The following IL6ST variants were observed in gnomAD, a reference collection of about 807,000 sequenced individuals.
IL6ST encodes the protein interleukin 6 cytokine family signal transducer.
IL6ST carries 24 observed loss-of-function variants against 91.3 expected under a neutral mutation model. The ratio of observed to expected loss-of-function variants is 0.26; its 90% CI spans 0.19 to 0.37. The LOEUF is 0.37. IL6ST is among the 10% of genes least tolerant of loss of function. IL6ST has a pLI of 1.00. For missense variants in IL6ST, 914 were observed against 1,078.5 expected, an observed-to-expected ratio of 0.85 and a Z score of 2.14; for synonymous variants, 351 against 373.6, an observed-to-expected ratio of 0.94 and a Z score of 0.70.
chr5:55,987,609 A>G (rs887034726), intron 1 of IL6ST, among the ~76,000 whole-genome samples: 2 of 152,236 alleles, frequency 1.3e-5, no homozygotes, highest in African/African-American at 4.8e-5. Flanking sequence ...TTCAGTCCCT[A>G]TATTTTAACA....
intron 1 of IL6ST, among the ~76,000 whole-genome samples, chr5:55,984,624 T>C (rs1753854060): frequency 6.6e-6 from 1 of 152,192 alleles, no homozygotes; most frequent in African/African-American, 2.4e-5. Flanking sequence ...AGAGAATAAA[T>C]TTGTTGTTTT....
intron 6 of IL6ST, 29 bp downstream of exon 6, chr5:55,964,113 CAAAT>C (rs769856150): frequency 4.5e-5 from 56 of 1,242,564 alleles, no homozygotes; most frequent in Non-Finnish European, 5.9e-5. Context: ...ACTACAGTGT[CAAAT>C]AAACTCTCAA....
In IL6ST at chr5:55,957,342, T is replaced by C. The variant is rs747995141; in HGVS notation, c.974-51A>G. The C allele has an allele frequency of 7.6e-6, 7 of 923,854 alleles. No individual in the cohort carries two copies. The East Asian group carries it at 1.5e-4, about 20-fold the overall frequency. The allele number at this position is 923,854 out of a possible 1,614,324, so 57.2% of individuals were successfully genotyped here. ...AAATAAAAAGGTTTTAACAGTAAAA[T>C]AAAATTCTGCAAATTATTCTTTTAC... On this transcript the variant is annotated intron_variant, in intron 8 of 16. Coordinates refer to ENST00000381298, the MANE Select transcript of IL6ST (RefSeq NM_002184.4).
chr5:55,939,777 C>T lies in IL6ST; in HGVS notation c.*1305G>A, dbSNP rs1750768417. 1 of 206,100 alleles carries T rather than the reference C, an allele frequency of 4.9e-6. No individual in the cohort carries two copies. Among genetic ancestry groups the T allele is most frequent in the Admixed American group, 5.9e-5 (1 of 16,852 alleles). 12.8% of individuals were successfully genotyped at this position (206,100 alleles called of 1,614,324 possible). On this transcript the variant is annotated 3_prime_UTR_variant, in exon 17 of 17. Transcript: ENST00000381298. Reference sequence around the variant, plus strand: ...AACTCGAGGCCTGGGTCACTTCTCCCTTGAAGAAAAAAGGTTTTAAAAATT... The same window carrying T: ...AACTCGAGGCCTGGGTCACTTCTCCTTTGAAGAAAAAAGGTTTTAAAAATT...
chr5:55,961,785 C>T (rs2111755649), intron 7 of IL6ST, among the ~76,000 whole-genome samples: 1 of 151,750 alleles, frequency 6.6e-6, no homozygotes, highest in South Asian at 2.1e-4. Context: ...ACAGCCAGTT[C>T]CTGGAAGGAA....
Position 55,941,409 on chromosome 5 carries a change from G to C in IL6ST, c.2430C>G (p.Pro810=). 1 of 1,614,112 alleles carries C rather than the reference G, an allele frequency of 6.2e-7. No individual in the cohort carries two copies. The highest frequency in any genetic ancestry group is 1.1e-5 in the South Asian group (1 of 91,084). The change falls in exon 17 of 17, where the codon CCC becomes CCG. Residue 810 remains proline, a synonymous_variant. Coordinates refer to ENST00000381298, the MANE Select transcript of IL6ST (RefSeq NM_002184.4). The part of the protein sequence containing the change: ...DHVDGGDGIL[P]RQQYFKQNCS... ...AGTTCTGTTTGAAGTACTGTTGCCT[G>C]GGCAAAATACCATCACCGCCATCTA...
At chr5:55,986,617 C>T (rs1011434266) in intron 1 of IL6ST, among the ~76,000 whole-genome samples, 1 of 152,098 alleles carries the variant, frequency 6.6e-6, no homozygotes, top group Non-Finnish European at 1.5e-5. Flanking sequence ...TTGTTTTCTT[C>T]TTGACTGTTC....
chr5:55,954,637 CTG>C (rs1181382793), intron 11 of IL6ST, among the ~76,000 whole-genome samples, 171 bp downstream of exon 11: 5 of 152,128 alleles, frequency 3.3e-5, no homozygotes, highest in African/African-American at 1.2e-4. Flanking sequence ...CATAAAGAGA[CTG>C]TAATTCAGAG....
intron 4 of IL6ST, 36 bp downstream of exon 4, chr5:55,969,514 T>C (rs1296797837): frequency 3.5e-6 from 5 of 1,417,074 alleles, no homozygotes; most frequent in Middle Eastern, 1.8e-4. Flanking sequence ...TCAATAGTCA[T>C]GACAAAGTCT....
At chr5:55,946,103 A>T (rs1751234398) in intron 15 of IL6ST, among the ~76,000 whole-genome samples, 1 of 152,156 alleles carries the variant, frequency 6.6e-6, no homozygotes, top group Non-Finnish European at 1.5e-5. Context: ...ATTTCAATAG[A>T]CACATCACAA....
At chr5:55,981,593 A>C (rs1271256232) in intron 2 of IL6ST, among the ~76,000 whole-genome samples, 1 of 152,194 alleles carries the variant, frequency 6.6e-6, no homozygotes. Flanking sequence ...CAGCGAGCCA[A>C]GATCGTGCCA....
rs758008405 is a variant in IL6ST, at chr5:55,938,375, TTA to T, written c.*2705_*2706del. 41 of 190,950 alleles carry T rather than the reference TTA, an allele frequency of 2.1e-4. No homozygotes were observed. The highest frequency in any genetic ancestry group is 3.8e-4 in the Non-Finnish European group (35 of 91,032). 11.8% of individuals were successfully genotyped at this position (190,950 alleles called of 1,614,324 possible). ...TTTTAATGGTACAAAGTGTGAAGTT[TTA>T]TAGTTTTCTAATAATTATTCAGTAT... On this transcript the variant is annotated 3_prime_UTR_variant, in exon 17 of 17. Coordinates refer to ENST00000381298, the MANE Select transcript of IL6ST (RefSeq NM_002184.4).
chr5:55,942,866 G>C, intron 15 of IL6ST, 115 bp from the exon 16 acceptor site: 4 of 565,972 alleles, frequency 7.1e-6, no homozygotes. Flanking sequence ...TTACCTAAAT[G>C]AACAAAAAAT....
At chr5:55,948,950 G>A (rs903486634) in intron 14 of IL6ST, 1 of 152,060 alleles carries the variant, frequency 6.6e-6, no homozygotes, top group Non-Finnish European at 1.5e-5. Context: ...CAAGACTCAA[G>A]CCATGTGAAG....
chr5:55,988,420 AAAT>A (rs1754111761), intron 1 of IL6ST, among the ~76,000 whole-genome samples: 1 of 152,224 alleles, frequency 6.6e-6, no homozygotes, highest in Non-Finnish European at 1.5e-5. Context: ...CATCATCAAA[AAAT>A]AATAGGACTA....
chr5:55,951,719 A>T, intron 13 of IL6ST, 115 bp from the exon 14 acceptor site: 1 of 998,798 alleles, frequency 1.0e-6, no homozygotes, highest in East Asian at 2.4e-5. Context: ...GTTGGAAAAC[A>T]ACTTTTATAA....
At chr5:55,970,191 TC>T (rs1309975556) in intron 3 of IL6ST, among the ~76,000 whole-genome samples, 1 of 152,158 alleles carries the variant, frequency 6.6e-6, no homozygotes, top group Non-Finnish European at 1.5e-5. Context: ...TCCATTTAGA[TC>T]CCAGGTCTAA....
chr5:55,951,902 T>A (rs1751655456), intron 13 of IL6ST, 27 bp downstream of exon 13: 2 of 1,304,284 alleles, frequency 1.5e-6, no homozygotes, highest in African/African-American at 1.5e-5. Flanking sequence ...AATAACTGAT[T>A]CTTAATAACT....
chr5:55,982,884 C>T (rs1296050364), intron 1 of IL6ST, 73 bp from the exon 2 acceptor site: 3 of 396,590 alleles, frequency 7.6e-6, no homozygotes, highest in African/African-American at 6.2e-5. Context: ...TTAAAAATCC[C>T]CATCTGCTCT....
Sources: gnomAD v4.1 joint callset for allele counts (sites outside exome capture counted in the v4.1 genomes callset) on GRCh38, gnomAD v4.1.1 for gene constraint, MANE v1.5 for transcripts, NCBI Gene and HGNC (gene_info 2026-07-23, HGNC 2026-07-21) for gene names.